The following CTPS2 variants were observed in gnomAD, a reference collection of about 807,000 sequenced individuals.
CTPS2 encodes the protein CTP synthase II.
Under a neutral mutation model 46.8 loss-of-function variants are expected in CTPS2, and 19 were observed. That is an observed-to-expected ratio of 0.41 (90% CI 0.28 to 0.60). CTPS2 has a LOEUF of 0.60. CTPS2 is among the 20% of genes least tolerant of loss of function. The pLI is 0.35. For synonymous variants in CTPS2, 151 were observed against 165.2 expected (o/e 0.91, Z 0.66); for missense variants, 286 against 447.6 (o/e 0.64, Z 3.26).
intron 17 of CTPS2, among the ~76,000 whole-genome samples, chrX:16,599,742 C>T (rs1193893793): frequency 3.7e-5 from 4 of 107,370 alleles, no homozygotes; most frequent in Non-Finnish European, 7.7e-5. Flanking sequence ...TCCCAAAGCG[C>T]TGGAATAACA....
At chrX:16,654,214 G>A (rs1932767506) in intron 13 of CTPS2, among the ~76,000 whole-genome samples, 1 of 112,753 alleles carries the variant, frequency 8.9e-6, no homozygotes, top group African/African-American at 3.2e-5. Flanking sequence ...AAGGTAGCCA[G>A]TTCTATGACA....
chrX:16,677,458 C>T (rs1013587371), intron 10 of CTPS2, among the ~76,000 whole-genome samples: 2 of 110,983 alleles, frequency 1.8e-5, no homozygotes, highest in South Asian at 7.6e-4. Flanking sequence ...CTATTCAACA[C>T]GAAGAAGTTA....
intron 1 of CTPS2, among the ~76,000 whole-genome samples, chrX:16,710,843 T>A (rs937961541): frequency 1.8e-5 from 2 of 112,317 alleles, no homozygotes; most frequent in Non-Finnish European, 3.8e-5. Flanking sequence ...GGTCTTGATC[T>A]CTTGACCTCG....
intron 10 of CTPS2, among the ~76,000 whole-genome samples, chrX:16,677,381 G>A (rs1922370745): frequency 9.0e-6 from 1 of 111,414 alleles, no homozygotes; most frequent in South Asian, 3.7e-4. Flanking sequence ...GCCATCTGAC[G>A]CTTTCTGACT....
At chrX:16,596,932 C>G (rs1185865678) in intron 17 of CTPS2, among the ~76,000 whole-genome samples, 7 of 105,641 alleles carry the variant, frequency 6.6e-5, no homozygotes, top group African/African-American at 2.5e-4. Flanking sequence ...ATTTGCATTT[C>G]TCTGATGGCC....
chrX:16,593,355 G>A (rs1929031554), intron 17 of CTPS2, among the ~76,000 whole-genome samples: 1 of 106,257 alleles, frequency 9.4e-6, no homozygotes, highest in Non-Finnish European at 1.9e-5. Flanking sequence ...CGTGAACCCG[G>A]GAGGCGGAGC....
chrX:16,632,191 C>T (rs1291393566), intron 14 of CTPS2, among the ~76,000 whole-genome samples: 1 of 111,424 alleles, frequency 9.0e-6, no homozygotes, highest in East Asian at 2.8e-4. Flanking sequence ...AATCCCAGCA[C>T]TTTGGGAGGC....
intron 10 of CTPS2, among the ~76,000 whole-genome samples, chrX:16,676,884 A>C (rs1442568657): frequency 9.1e-6 from 1 of 110,145 alleles, no homozygotes; most frequent in Admixed American, 9.8e-5. Context: ...ACATGGTGAA[A>C]CCCGTCTTTA....
intron 16 of CTPS2, 115 bp downstream of exon 16, chrX:16,617,035 G>C (rs1930566135): frequency 3.8e-6 from 2 of 523,201 alleles, no homozygotes; most frequent in African/African-American, 4.7e-5. Context: ...TTACATATTT[G>C]TTTCAAAGGA....
At chrX:16,677,498 C>T (rs1922378541) in intron 10 of CTPS2, among the ~76,000 whole-genome samples, 1 of 110,720 alleles carries the variant, frequency 9.0e-6, no homozygotes, top group Non-Finnish European at 1.9e-5. Context: ...CCTCTGCAAC[C>T]CTTAGTATTA....
Position 16,588,978 on chromosome X carries a change from C to A in CTPS2, c.*839G>T, listed in dbSNP as rs1169557787. 8.9e-6 allele frequency: 1 copy of A among 111,971 alleles called. No homozygotes were observed. The highest frequency in any genetic ancestry group is 1.9e-5 in the Non-Finnish European group (1 of 53,213). 9.2% of individuals were successfully genotyped at this position (111,971 alleles called of 1,213,427 possible). A position where few individuals can be genotyped will look rare whatever the true frequency, so the allele number is the denominator to read the frequency against. On this transcript the variant is annotated 3_prime_UTR_variant, in exon 19 of 19. Transcript: ENST00000359276. ...GGAAAATTCCATAACTGATCTCATG[C>A]CAGAAATCACAGTCAAAATGCAGTC...
chrX:16,627,181 G>A (rs1931202282), intron 14 of CTPS2: 1 of 112,377 alleles, frequency 8.9e-6, no homozygotes, highest in South Asian at 3.7e-4. Flanking sequence ...TTGCACCAGT[G>A]TCTTAATTTA....
At chrX:16,640,259 G>A (rs773279592) in intron 13 of CTPS2, among the ~76,000 whole-genome samples, 69 of 111,098 alleles carry the variant, frequency 6.2e-4, no homozygotes, top group African/African-American at 2.2e-3. Flanking sequence ...CTTTCCTCCC[G>A]CCGTGGCGAC....
chrX:16,612,910 A>G (rs1930333578), intron 16 of CTPS2, among the ~76,000 whole-genome samples: 1 of 112,061 alleles, frequency 8.9e-6, no homozygotes, highest in African/African-American at 3.2e-5. Flanking sequence ...AGGTATGCAA[A>G]GTCCCTAGCA....
At chrX:16,702,093 C>A (rs1165618383) in intron 2 of CTPS2, among the ~76,000 whole-genome samples, 1 of 111,006 alleles carries the variant, frequency 9.0e-6, no homozygotes, top group Non-Finnish European at 1.9e-5. Flanking sequence ...CTCGCTCTGT[C>A]GCCCAGGCTG....
intron 13 of CTPS2, among the ~76,000 whole-genome samples, chrX:16,640,001 T>C (rs1932002707): frequency 9.0e-6 from 1 of 111,103 alleles, no homozygotes; most frequent in Non-Finnish European, 1.9e-5. Context: ...CATCCACTTC[T>C]CTCCAGCCTT....
intron 17 of CTPS2, among the ~76,000 whole-genome samples, chrX:16,598,367 A>C (rs1602113366): frequency 1.8e-5 from 2 of 111,728 alleles, no homozygotes; most frequent in African/African-American, 3.3e-5. Context: ...AAAAAATGAT[A>C]AAGGGGATAT....
At chrX:16,642,243 GA>G (rs1332221741) in intron 13 of CTPS2, among the ~76,000 whole-genome samples, 1 of 112,019 alleles carries the variant, frequency 8.9e-6, no homozygotes, top group Non-Finnish European at 1.9e-5. Context: ...AGCACAGAAA[GA>G]AAATCCAAGG....
Position 16,675,591 on chromosome X carries a change from T to C in CTPS2, c.1094+2771A>G, listed in dbSNP as rs777584953. ...ATGTTATTAATAATTATCATTGTTA[T>C]GCAAAATTGTTGTAAGCCACAGATG... is the stretch of plus-strand genomic sequence containing the variant. On this transcript the variant is annotated intron_variant, in intron 10 of 18. Coordinates refer to ENST00000359276, the MANE Select transcript of CTPS2 (RefSeq NM_175859.3). Among the ~76,000 whole-genome samples the C allele has an allele frequency of 1.5e-3, 169 of 112,445 alleles. 1 individual carries two copies. Among genetic ancestry groups the C allele is most frequent in the African/African-American group, 5.3e-3 (163 of 31,039 alleles).
Sources: gnomAD v4.1 joint callset for allele counts (sites outside exome capture counted in the v4.1 genomes callset) on GRCh38, gnomAD v4.1.1 for gene constraint, MANE v1.5 for transcripts, NCBI Gene and HGNC (gene_info 2026-07-23, HGNC 2026-07-21) for gene names.